ELAC2: variants seen among roughly 807,000 people sequenced by gnomAD.
ELAC2 encodes the protein zinc phosphodiesterase ELAC protein 2.
In ELAC2, 92 loss-of-function variants were observed where a neutral mutation model predicts 105.2. That is an observed-to-expected ratio of 0.87 (90% CI 0.74 to 1.04). The LOEUF is 1.04. ELAC2 is among the 50% of genes least tolerant of loss of function. The pLI is 0.00. For synonymous variants in ELAC2, 468 were observed against 409.1 expected, an observed-to-expected ratio of 1.14 and a Z score of -1.74; for missense variants, 1,099 against 1,071.7, an observed-to-expected ratio of 1.03 and a Z score of -0.36.
intron 3 of ELAC2, among the ~76,000 whole-genome samples, chr17:13,016,298 A>G (rs1268860046): frequency 6.6e-6 from 1 of 152,206 alleles, no homozygotes; most frequent in Non-Finnish European, 1.5e-5. Flanking sequence ...CAATGTGCCA[A>G]TGGCGTCTGC....
chr17:12,994,781 T>G lies in ELAC2; in HGVS notation c.2012A>C (p.Glu671Ala), dbSNP rs751495465. The change falls in exon 21 of 24, where the codon GAG (glutamate) becomes GCG (alanine). Residue 671 changes from glutamate to alanine, a missense_variant. Transcript: ENST00000338034. ...CTACTCACCCATCCGGACCAGAGCCTCGCAGGGCATGGTGTCCCCGGAATA... is the reference window on the plus strand; with the variant it reads ...CTACTCACCCATCCGGACCAGAGCCGCGCAGGGCATGGTGTCCCCGGAATA... ...VVYSGDTMPC[E>A]ALVRMGKDAT... 1.9e-6 allele frequency: 3 copies of G among 1,613,846 alleles called. No homozygotes were observed. The African/African-American group carries it at 4.0e-5, about 22-fold the overall frequency.
chr17:13,000,282 A>AG lies in ELAC2; in HGVS notation c.1305-9_1305-8insC, dbSNP rs370493014. On this transcript the variant is annotated splice_polypyrimidine_tract_variant and intron_variant, in intron 14 of 23. Coordinates refer to ENST00000338034, the MANE Select transcript of ELAC2 (RefSeq NM_018127.7). ...CAAGTAATAATGGCATCCCTGCAGG[A>AG]AGAGAGAGAAGCATCTCAGGTGACG... The AG allele has an allele frequency of 1.9e-6, 3 of 1,612,378 alleles. No homozygotes were observed. Among genetic ancestry groups the AG allele is most frequent in the East Asian group, 4.5e-5 (2 of 44,548 alleles).
Position 13,016,160 on chromosome 17 carries a change from T to C in ELAC2, c.368-328A>G, listed in dbSNP as rs1270910215. Among the ~76,000 whole-genome samples, 5 of 152,324 alleles carry C rather than the reference T, an allele frequency of 3.3e-5. No homozygotes were observed. In the South Asian group the frequency reaches 1.0e-3, roughly 32 times the overall value. On this transcript the variant is annotated intron_variant, in intron 3 of 23. Coordinates refer to ENST00000338034, the MANE Select transcript of ELAC2 (RefSeq NM_018127.7). Reference sequence around the variant, plus strand: ...TCTCAGCCCTGAGAAGGGAGACTGGTCTAACACTTCACTCCTTCCGGTCCA... The same window carrying C: ...TCTCAGCCCTGAGAAGGGAGACTGGCCTAACACTTCACTCCTTCCGGTCCA...
intron 3 of ELAC2, among the ~76,000 whole-genome samples, chr17:13,016,601 A>G (rs1678393513): frequency 6.6e-6 from 1 of 151,722 alleles, no homozygotes; most frequent in South Asian, 2.1e-4. Context: ...ACATAGCAAA[A>G]CCCCGTCGCT....
At chr17:12,993,459 T>A (rs1308676299) in intron 23 of ELAC2, among the ~76,000 whole-genome samples, 2 of 152,198 alleles carry the variant, frequency 1.3e-5, no homozygotes, top group African/African-American at 4.8e-5. Flanking sequence ...CTAAAAGGAT[T>A]CTCAGAAATT....
intron 4 of ELAC2, among the ~76,000 whole-genome samples, chr17:13,015,139 G>A (rs541160557): frequency 1.3e-5 from 2 of 152,358 alleles, no homozygotes; most frequent in South Asian, 4.1e-4. Flanking sequence ...GTCTTGAAGT[G>A]ACCTCTCTGG....
intron 8 of ELAC2, among the ~76,000 whole-genome samples, chr17:13,009,022 A>C (rs889342631): frequency 6.6e-6 from 1 of 152,242 alleles, no homozygotes; most frequent in Non-Finnish European, 1.5e-5. Context: ...TACGATTTAA[A>C]GATTACCATA....
chr17:13,009,048 A>C (rs2041264094), intron 8 of ELAC2, among the ~76,000 whole-genome samples: 1 of 152,234 alleles, frequency 6.6e-6, no homozygotes, highest in Non-Finnish European at 1.5e-5. Flanking sequence ...CAGTTTAAAA[A>C]TCAGACAATA....
At chr17:13,008,528 G>C (rs1490525240) in intron 8 of ELAC2, among the ~76,000 whole-genome samples, 1 of 148,944 alleles carries the variant, frequency 6.7e-6, no homozygotes, top group Non-Finnish European at 1.5e-5. Flanking sequence ...GAAAAAAAAA[G>C]GTACTTGCCG....
At position 13,015,021 on chromosome 17, in the gene ELAC2, A is replaced by G. The variant is rs181390349; in HGVS notation, c.433-525T>C. Among the ~76,000 whole-genome samples, 544 of 151,550 alleles carry G rather than the reference A, an allele frequency of 3.6e-3. 4 individuals carry two copies. Among genetic ancestry groups the G allele is most frequent in the Non-Finnish European group, 5.5e-3 (376 of 67,778 alleles). ...GATGGGTACAGATGGAAGTGTGGGT[A>G]GCGGCCGGGGCCTACAGGACTTGTA... On this transcript the variant is annotated intron_variant, in intron 4 of 23. Coordinates refer to ENST00000338034, the MANE Select transcript of ELAC2 (RefSeq NM_018127.7).
intron 15 of ELAC2, among the ~76,000 whole-genome samples, chr17:12,999,851 G>C (rs2040680610): frequency 2.0e-5 from 3 of 152,188 alleles, no homozygotes; most frequent in African/African-American, 4.8e-5. Flanking sequence ...TAGAGACGGG[G>C]TTTCATCATG....
chr17:12,995,760 A>G lies in ELAC2; in HGVS notation c.1751T>C (p.Leu584Pro). Residue 584 changes from leucine to proline, a missense_variant, in exon 19 of 24, where the codon CTC becomes CCC. By Grantham distance (98) the Leu-to-Pro change is moderately conservative. Coordinates refer to ENST00000338034, the MANE Select transcript of ELAC2 (RefSeq NM_018127.7). ...GTGGTACTGCTGGAGCCAGGCTTTGAGCTGGTTGGGGGCAACCACCAGCAA... is the reference window on the plus strand; with the variant it reads ...GTGGTACTGCTGGAGCCAGGCTTTGGGCTGGTTGGGGGCAACCACCAGCAA... ...HPLLVVAPNQ[L>P]KAWLQQYHNQ... 1 of 1,613,112 alleles carries G rather than the reference A, an allele frequency of 6.2e-7. No homozygotes were observed. The highest frequency in any genetic ancestry group is 8.5e-7 in the Non-Finnish European group (1 of 1,179,626).
intron 6 of ELAC2, 44 bp from the exon 7 acceptor site, chr17:13,011,826 A>G (rs371549348): frequency 7.7e-5 from 124 of 1,613,846 alleles, no homozygotes; most frequent in Middle Eastern, 3.3e-4. Context: ...GCACAAGGTG[A>G]GCTGACAGCC....
chr17:13,010,330 C>T (rs962602461), intron 8 of ELAC2, among the ~76,000 whole-genome samples: 4 of 152,158 alleles, frequency 2.6e-5, no homozygotes, highest in African/African-American at 9.7e-5. Context: ...GCCACCACAC[C>T]CAGCTAATTT....
chr17:12,995,000 A>G lies in ELAC2; in HGVS notation c.1871T>C (p.Leu624Ser), dbSNP rs1217149676. ...AEISSPAVER[L>S]ISSLLRTCDL... ...ACATGTTCGCAACAGCGAACTGATC[A>G]ATCTTTCCACTGCAGGACTGGAGAT... The change falls in exon 20 of 24, where the codon TTG (leucine) becomes TCG (serine). Residue 624 changes from leucine (L) to serine (S), a missense_variant. Coordinates refer to ENST00000338034, the MANE Select transcript of ELAC2 (RefSeq NM_018127.7). 26 of 1,614,100 alleles carry G rather than the reference A, an allele frequency of 1.6e-5. No individual in the cohort carries two copies. The highest frequency in any genetic ancestry group is 2.7e-5 in the African/African-American group (2 of 74,940).
chr17:13,001,809 G>A (rs2040826020), intron 14 of ELAC2, among the ~76,000 whole-genome samples: 2 of 152,124 alleles, frequency 1.3e-5, no homozygotes, highest in African/African-American at 2.4e-5. Flanking sequence ...TAAAAATCTT[G>A]TTACTTAAGA....
chr17:12,998,348 G>A (rs2040577141), intron 16 of ELAC2, 64 bp downstream of exon 16: 3 of 1,468,380 alleles, frequency 2.0e-6, no homozygotes, highest in Non-Finnish European at 2.9e-6. Context: ...GAGTACAGCA[G>A]GACTTTTGTT....
chr17:13,005,690 G>A, intron 10 of ELAC2, 63 bp downstream of exon 10: 1 of 1,566,698 alleles, frequency 6.4e-7, no homozygotes, highest in Non-Finnish European at 8.8e-7. Flanking sequence ...GAAGAAGACA[G>A]ACTCTGCCCA....
chr17:12,994,231 A>T (rs971326933), intron 22 of ELAC2, among the ~76,000 whole-genome samples, 194 bp downstream of exon 22: 1 of 152,222 alleles, frequency 6.6e-6, no homozygotes, highest in Admixed American at 6.5e-5. Flanking sequence ...CTCACTCTAG[A>T]ATCTTGCTTA....
Sources: gnomAD v4.1 joint callset for allele counts (sites outside exome capture counted in the v4.1 genomes callset) on GRCh38, gnomAD v4.1.1 for gene constraint, MANE v1.5 for transcripts, NCBI Gene and HGNC (gene_info 2026-07-23, HGNC 2026-07-21) for gene names.